Variants in CNTNAP2 observed in about 807,000 individuals in gnomAD.
CNTNAP2 encodes the protein contactin associated protein 2, also known as contactin-associated protein-like 2.
Under a neutral mutation model 155.2 loss-of-function variants are expected in CNTNAP2, and 98 were observed. That is an observed-to-expected ratio of 0.63 (90% CI 0.54 to 0.75). CNTNAP2 has a LOEUF of 0.75. Ranked by LOEUF, CNTNAP2 falls within the 30% of genes least tolerant of loss-of-function variation. The probability of loss-of-function intolerance (pLI) is 0.00; values close to 1 mark genes in which losing one functional copy is unlikely to be tolerated. For missense variants in CNTNAP2, 1,727 were observed against 1,688.1 expected (o/e 1.02, Z -0.40); for synonymous variants, 651 against 631.2 (o/e 1.03, Z -0.47).
chr7:148,061,226 T>TAGTC (rs10661768), intron 15 of CNTNAP2, among the ~76,000 whole-genome samples: 79,999 of 151,656 alleles, frequency 0.53, 23,573 homozygotes, highest in East Asian at 0.82. Context: ...TGAAGTCTGT[T>TAGTC]AGAAAGAGAA....
chr7:147,810,863 C>T (rs942829967), intron 13 of CNTNAP2, among the ~76,000 whole-genome samples: 1 of 152,168 alleles, frequency 6.6e-6, no homozygotes, highest in African/African-American at 2.4e-5. Flanking sequence ...TTCTACTCTA[C>T]CAATGAAAAG....
intron 1 of CNTNAP2, among the ~76,000 whole-genome samples, chr7:146,147,230 T>C (rs1797970281): frequency 6.6e-6 from 1 of 152,144 alleles, no homozygotes; most frequent in Admixed American, 6.6e-5. Flanking sequence ...TCTCTAGGGA[T>C]TGAATTATGT....
chr7:147,147,081 G>T (rs113131746), intron 8 of CNTNAP2, among the ~76,000 whole-genome samples: 3 of 152,048 alleles, frequency 2.0e-5, no homozygotes, highest in Non-Finnish European at 4.4e-5. Context: ...GGGAGGCCTC[G>T]GGAAACTTAC....
At chr7:148,069,755 G>A (rs199827600) in intron 15 of CNTNAP2, among the ~76,000 whole-genome samples, 1,801 of 130,870 alleles carry the variant, frequency 0.014, 17 homozygotes, top group Middle Eastern at 0.024. Flanking sequence ...CAAAGACTCC[G>A]TCTCAAAAAA....
At chr7:147,818,183 A>C (rs1231970057) in intron 13 of CNTNAP2, among the ~76,000 whole-genome samples, 1 of 151,998 alleles carries the variant, frequency 6.6e-6, no homozygotes, top group Non-Finnish European at 1.5e-5. Flanking sequence ...TATTTTATCA[A>C]GTATTGTCCT....
intron 9 of CNTNAP2, among the ~76,000 whole-genome samples, chr7:147,394,149 G>A (rs1348888930): frequency 2.6e-5 from 4 of 151,792 alleles, no homozygotes; most frequent in Non-Finnish European, 4.4e-5. Flanking sequence ...GAGATCTGAT[G>A]GTTTTATAAG....
At chr7:146,579,117 C>T (rs548324307) in intron 1 of CNTNAP2, among the ~76,000 whole-genome samples, 1 of 152,132 alleles carries the variant, frequency 6.6e-6, no homozygotes, top group African/African-American at 2.4e-5. Flanking sequence ...TAGATGATTT[C>T]ATTACATATT....
intron 6 of CNTNAP2, among the ~76,000 whole-genome samples, chr7:147,124,075 C>A (rs190298937): frequency 1.3e-5 from 2 of 151,904 alleles, no homozygotes; most frequent in Non-Finnish European, 2.9e-5. Context: ...AAACACCTCA[C>A]GGACTGTATT....
At chr7:146,933,626 G>A (rs1401872561) in intron 3 of CNTNAP2, among the ~76,000 whole-genome samples, 9 of 147,250 alleles carry the variant, frequency 6.1e-5, no homozygotes, top group Non-Finnish European at 1.1e-4. Flanking sequence ...CACAGCAAAA[G>A]AAACTACCAT....
intron 1 of CNTNAP2, among the ~76,000 whole-genome samples, chr7:146,320,991 C>A (rs1188789201): frequency 1.3e-5 from 2 of 151,982 alleles, no homozygotes; most frequent in Non-Finnish European, 2.9e-5. Context: ...GAGTTCTTAT[C>A]AGAAGCTCTA....
Position 147,818,160 on chromosome 7 carries a change from G to A in CNTNAP2, c.2099-85405G>A, listed in dbSNP as rs117515679. ...TTGTGTGGTTGCTCTGTGATGGTAC[G>A]AGTAGGCATCCTTATTTTATCAAGT... On this transcript the variant is annotated intron_variant, in intron 13 of 23. Transcript: ENST00000361727. 3.3e-3 allele frequency among the ~76,000 whole-genome samples: 501 copies of A among 151,996 alleles called. 8 individuals carry two copies. The East Asian group carries it at 0.034, about 10-fold the overall frequency.
chr7:148,031,961 C>A (rs187325608), intron 15 of CNTNAP2, among the ~76,000 whole-genome samples: 2 of 152,260 alleles, frequency 1.3e-5, no homozygotes, highest in African/African-American at 4.8e-5. Context: ...TCGTCACTGC[C>A]AGGTCTCCAG....
chr7:147,702,047 T>A (rs139108665), intron 13 of CNTNAP2, among the ~76,000 whole-genome samples: 2,504 of 147,508 alleles, frequency 0.017, 225 homozygotes, highest in Admixed American at 0.16. Context: ...ATCAAATCAC[T>A]TTGGTTGGTT....
At position 147,318,168 on chromosome 7, in the gene CNTNAP2, G is replaced by A. The variant is rs185035517; in HGVS notation, c.1498+17878G>A. Among the ~76,000 whole-genome samples, 311 of 152,272 alleles carry A rather than the reference G, an allele frequency of 2.0e-3. 4 individuals carry two copies. The highest frequency in any genetic ancestry group is 9.6e-4 in the Non-Finnish European group (65 of 68,036). On this transcript the variant is annotated intron_variant, in intron 9 of 23. Coordinates refer to ENST00000361727, the MANE Select transcript of CNTNAP2 (RefSeq NM_014141.6). ...TATAAAAATGTAAAGTTCGCTGGGC[G>A]TTGTGGCTCACACCTATAATCCCAG...
At chr7:148,234,216 C>T (rs1379314034) in intron 20 of CNTNAP2, among the ~76,000 whole-genome samples, 6 of 152,212 alleles carry the variant, frequency 3.9e-5, no homozygotes, top group African/African-American at 1.4e-4. Context: ...TAAATGGCCA[C>T]AGCATAGTCG....
chr7:148,043,841 T>A (rs1802720951), intron 15 of CNTNAP2, among the ~76,000 whole-genome samples: 1 of 152,220 alleles, frequency 6.6e-6, no homozygotes, highest in Admixed American at 6.5e-5. Context: ...GCCAAATACT[T>A]ATTTTGGAGT....
At chr7:147,584,729 G>T (rs560430189) in intron 12 of CNTNAP2, among the ~76,000 whole-genome samples, 1 of 152,292 alleles carries the variant, frequency 6.6e-6, no homozygotes, top group South Asian at 2.1e-4. Context: ...AGAGCTTCTT[G>T]CCTCTTCCTC....
intron 13 of CNTNAP2, among the ~76,000 whole-genome samples, chr7:147,745,986 T>TCTC (rs1797036638): frequency 6.6e-6 from 1 of 152,198 alleles, no homozygotes; most frequent in Non-Finnish European, 1.5e-5. Flanking sequence ...TGTATAATTG[T>TCTC]TTAACACAAG....
At position 146,214,698 on chromosome 7, in the gene CNTNAP2, A is replaced by C. The variant is rs77546578; in HGVS notation, c.97+97725A>C. Among the ~76,000 whole-genome samples the C allele has an allele frequency of 8.9e-4, 135 of 152,286 alleles. 6 individuals are homozygous for C. The East Asian group carries it at 0.025, about 28-fold the overall frequency. ...TTCAATCTATAATGGTTTATTTTTC[A>C]AAAAGGCTTTAATTTCCTTGGATTG... On this transcript the variant is annotated intron_variant, in intron 1 of 23. Coordinates refer to ENST00000361727, the MANE Select transcript of CNTNAP2 (RefSeq NM_014141.6).
Sources: allele counts gnomAD v4.1 joint callset (sites outside exome capture counted in the v4.1 genomes callset), GRCh38; gene constraint gnomAD v4.1.1; transcripts MANE v1.5; gene names NCBI Gene and HGNC (gene_info 2026-07-23, HGNC 2026-07-21).